LMO7: variants seen among roughly 807,000 people sequenced by gnomAD.
LMO7 encodes the protein LIM domain only protein 7.
A neutral mutation model predicts 206.5 loss-of-function variants in LMO7; 120 were observed. That is an observed-to-expected ratio of 0.58 (90% CI 0.50 to 0.68). The LOEUF is 0.68. Among genes scored for constraint, LMO7 ranks in the 30% least tolerant of loss-of-function variants. The pLI, the probability that LMO7 is intolerant of heterozygous loss-of-function variation, is 0.00. For synonymous variants in LMO7, 706 were observed against 681.5 expected, an observed-to-expected ratio of 1.04 and a Z score of -0.56; for missense variants, 1,959 against 1,957.9, an observed-to-expected ratio of 1.00 and a Z score of -0.01.
chr13:75,622,151 T>C (rs2033388940), intron 1 of LMO7: 1 of 195,754 alleles, frequency 5.1e-6, no homozygotes, highest in Non-Finnish European at 1.0e-5. Context: ...ACGGAATACA[T>C]AGTAATCACA....
chr13:75,738,323 A>G (rs1392914648), intron 3 of LMO7, among the ~76,000 whole-genome samples: 1 of 152,166 alleles, frequency 6.6e-6, no homozygotes, highest in Non-Finnish European at 1.5e-5. Context: ...AGGGCAATGG[A>G]TTTACCTTTT....
intron 3 of LMO7, among the ~76,000 whole-genome samples, chr13:75,736,373 T>C (rs1028249527): frequency 1.3e-5 from 2 of 152,254 alleles, no homozygotes; most frequent in South Asian, 4.1e-4. Flanking sequence ...AGGATGGTTA[T>C]ATTAAAACTT....
chr13:75,727,058 T>C lies in LMO7; in HGVS notation c.170T>C (p.Ile57Thr). 6.3e-7 allele frequency: 1 copy of C among 1,590,300 alleles called. No homozygotes were observed. The highest frequency in any genetic ancestry group is 1.7e-5 in the Admixed American group (1 of 59,798). The change falls in exon 3 of 31, where the codon ATT (isoleucine) becomes ACT (threonine). Residue 57 changes from isoleucine (I) to threonine (T), a missense_variant. Physicochemically the swap from Ile to Thr is moderately conservative, Grantham distance 89. Transcript: ENST00000377534. ...ATTAATAAGCTTAAACCTGGCGTCA[T>C]TAAGAAGATCAATAGACTGTCTACA... ...DLINKLKPGV[I>T]KKINRLSTPI...
In LMO7 at chr13:75,805,514, A is replaced by G; in HGVS notation, c.950A>G (p.Asn317Ser). The change falls in exon 9 of 31, where the codon AAC becomes AGC. Residue 317 changes from asparagine to serine, a missense_variant. Coordinates refer to ENST00000377534, the MANE Select transcript of LMO7 (RefSeq NM_001306080.2). ...QRRIWGTNVE[N>S]WPTVQGTSKS... is the part of the protein sequence containing the mutation. ...AGGATTTGGGGCACCAATGTGGAGA[A>G]CTGGCCAACTGTACAAGGAACTTCA... is the stretch of plus-strand genomic sequence containing the variant. 6.2e-7 allele frequency: 1 copy of G among 1,614,044 alleles called. No individual in the cohort carries two copies.
intron 2 of LMO7, among the ~76,000 whole-genome samples, chr13:75,723,202 A>G (rs9600535): frequency 2.9e-5 from 4 of 137,010 alleles, no homozygotes; most frequent in African/African-American, 1.1e-4. Context: ...TTAAAAAAAA[A>G]CCCAAAATCA....
intron 29 of LMO7, among the ~76,000 whole-genome samples, chr13:75,856,264 T>C (rs1226346586): frequency 6.6e-6 from 1 of 152,202 alleles, no homozygotes; most frequent in Non-Finnish European, 1.5e-5. Context: ...ATTTCTATTT[T>C]TGGGGAGTAT....
chr13:75,840,786 A>C (rs546606625), intron 22 of LMO7, among the ~76,000 whole-genome samples: 23 of 152,178 alleles, frequency 1.5e-4, no homozygotes, highest in Non-Finnish European at 2.8e-4. Context: ...CTTGGTTCCC[A>C]TAAACTGTTT....
At chr13:75,842,997 G>C (rs1454664987) in intron 25 of LMO7, 81 bp downstream of exon 25, 13 of 900,758 alleles carry the variant, frequency 1.4e-5, no homozygotes, top group Non-Finnish European at 2.4e-5. Context: ...ATGATTTGTA[G>C]AACTACTTTA....
At chr13:75,743,885 A>G (rs1407003177) in intron 3 of LMO7, among the ~76,000 whole-genome samples, 2 of 152,044 alleles carry the variant, frequency 1.3e-5, no homozygotes, top group African/African-American at 2.4e-5. Flanking sequence ...AAAAAATGAC[A>G]TTTTTCAAGG....
At chr13:75,856,892 C>T in intron 30 of LMO7, 1 of 225,100 alleles carries the variant, frequency 4.4e-6, no homozygotes, top group Non-Finnish European at 8.8e-6. Context: ...CCGCAGAGAC[C>T]TTTAATGACT....
At chr13:75,738,784 C>T (rs1340105944) in intron 3 of LMO7, among the ~76,000 whole-genome samples, 2 of 152,010 alleles carry the variant, frequency 1.3e-5, no homozygotes, top group African/African-American at 4.8e-5. Flanking sequence ...GCTATTGAAC[C>T]AGAATAATGT....
At chr13:75,647,561 T>G (rs948920563) in intron 1 of LMO7, among the ~76,000 whole-genome samples, 16 of 152,186 alleles carry the variant, frequency 1.1e-4, no homozygotes, top group African/African-American at 3.4e-4. Flanking sequence ...TAATACATCA[T>G]CATGAAACTT....
At chr13:75,722,889 T>C (rs1043629812) in intron 2 of LMO7, among the ~76,000 whole-genome samples, 1 of 152,112 alleles carries the variant, frequency 6.6e-6, no homozygotes, top group Non-Finnish European at 1.5e-5. Context: ...GAATGGGAGA[T>C]CATTATTCTA....
At chr13:75,687,277 CAG>C (rs2041093820) in intron 1 of LMO7, among the ~76,000 whole-genome samples, 1 of 152,132 alleles carries the variant, frequency 6.6e-6, no homozygotes, top group Non-Finnish European at 1.5e-5. Context: ...CATGTCAGAT[CAG>C]AGTCTTGGGT....
At chr13:75,776,170 T>TATATATATATATATATATATCGG (rs2050411286) in intron 4 of LMO7, among the ~76,000 whole-genome samples, 1 of 42,484 alleles carries the variant, frequency 2.4e-5, no homozygotes, top group African/African-American at 1.1e-4. Flanking sequence ...CGGATATATA[T>TATATATATATATATATATATCGG]ATATATATAT....
chr13:75,621,613 C>A, exon 1 of LMO7: 1 of 623,250 alleles, frequency 1.6e-6, no homozygotes, highest in Non-Finnish European at 2.5e-6. Context: ...CAATATGGTG[C>A]TACAGTGATA....
At position 75,681,736 on chromosome 13, in the gene LMO7, A is replaced by ATATATATGTATATATATATATATATG. The variant is rs1566304947; in HGVS notation, c.70-31439_70-31438insGTATATATATATATATATGTATATAT. ...TATATATGTATATATATATATATAT[A>ATATATATGTATATATATATATATATG]TATATATATATATGGAATCTTATTA... On this transcript the variant is annotated intron_variant, in intron 1 of 30. Coordinates refer to ENST00000377534, the MANE Select transcript of LMO7 (RefSeq NM_001306080.2). Among the ~76,000 whole-genome samples the ATATATATGTATATATATATATATATG allele has an allele frequency of 2.6e-3, 340 of 133,228 alleles. 8 individuals are homozygous for ATATATATGTATATATATATATATATG. The highest frequency in any genetic ancestry group is 0.023 in the East Asian group (103 of 4,462). 87.4% of individuals were successfully genotyped at this position (133,228 alleles called of 152,430 possible). A position where few individuals can be genotyped will look rare whatever the true frequency, so the allele number is the denominator to read the frequency against.
In LMO7 at chr13:75,855,318, G is replaced by A. The variant is rs776990229; in HGVS notation, c.4720G>A (p.Ala1574Thr). The A allele has an allele frequency of 9.3e-6, 15 of 1,613,760 alleles. No homozygotes were observed. Among genetic ancestry groups the A allele is most frequent in the East Asian group, 2.2e-5 (1 of 44,890 alleles). ...CAATAACATTCTGGGCAAAGGAGCC[G>A]CCATGATCATCGAGTCCCTGGGTCT... Reference protein sequence around the residue: ...YCNNILGKGAAMIIESLGLCY... With the variant: ...YCNNILGKGATMIIESLGLCY... Residue 1574 changes from alanine to threonine, a missense_variant, in exon 29 of 31, where the codon GCC becomes ACC. Coordinates refer to ENST00000377534, the MANE Select transcript of LMO7 (RefSeq NM_001306080.2).
intron 7 of LMO7, chr13:75,804,064 A>C: frequency 2.2e-6 from 1 of 448,708 alleles, no homozygotes; most frequent in Non-Finnish European, 4.0e-6. Context: ...TTCTTCTTAG[A>C]GCCTACAGCA....
Sources: allele counts gnomAD v4.1 joint callset (sites outside exome capture counted in the v4.1 genomes callset), GRCh38; gene constraint gnomAD v4.1.1; transcripts MANE v1.5; gene names NCBI Gene and HGNC (gene_info 2026-07-23, HGNC 2026-07-21).